The following DPP4 variants were observed in gnomAD, a reference collection of about 807,000 sequenced individuals.
DPP4 encodes the protein ADCP-2.
Under a neutral mutation model 122.4 loss-of-function variants are expected in DPP4, and 93 were observed. The ratio of observed to expected loss-of-function variants is 0.76; its 90% CI spans 0.64 to 0.90. The LOEUF (loss-of-function observed/expected upper bound fraction) is 0.90. DPP4 is among the 40% of genes least tolerant of loss of function. The probability of loss-of-function intolerance (pLI) is 0.00; values close to 1 mark genes in which losing one functional copy is unlikely to be tolerated. For missense variants in DPP4, 914 were observed against 907.3 expected (o/e 1.01, Z -0.09); for synonymous variants, 321 against 302.9 (o/e 1.06, Z -0.62).
At chr2:162,046,649 C>T in intron 4 of DPP4, 1 of 540,166 alleles carries the variant, frequency 1.9e-6, no homozygotes. Context: ...CAAAGGAGAG[C>T]ATGCAAAGTG....
At chr2:162,050,182 A>G (rs1684333894) in intron 2 of DPP4, among the ~76,000 whole-genome samples, 1 of 152,242 alleles carries the variant, frequency 6.6e-6, no homozygotes, top group Non-Finnish European at 1.5e-5. Context: ...TCTTTCATGC[A>G]TCAAATAGTT....
rs181884228 is a variant in DPP4, at chr2:162,011,043, C to T, written c.1832+750G>A. On this transcript the variant is annotated intron_variant, in intron 20 of 25. Transcript: ENST00000360534. ...AATCCTGATTCACTTTGGCAAGCTA[C>T]CTAACCTAATAGTCTCTATTTATTT... Among the ~76,000 whole-genome samples, 57 of 152,236 alleles carry T rather than the reference C, an allele frequency of 3.7e-4. 1 individual carries two copies. The highest frequency in any genetic ancestry group is 1.3e-3 in the African/African-American group (52 of 41,556).
At chr2:162,013,718 T>C (rs1682796984) in intron 19 of DPP4, among the ~76,000 whole-genome samples, 1 of 152,160 alleles carries the variant, frequency 6.6e-6, no homozygotes, top group Non-Finnish European at 1.5e-5. Flanking sequence ...ATATAGGAAA[T>C]GATGCAAGCC....
rs1478241696 is a variant in DPP4, at chr2:162,035,147, C to G, written c.774+17G>C. On this transcript the variant is annotated intron_variant, in intron 9 of 25. Transcript: ENST00000360534. Reference sequence around the variant, plus strand: ...CCCATCAAATCATGGAACCACTGTACAAACAGGAGCACAGACCTTTGGATA... The same window carrying G: ...CCCATCAAATCATGGAACCACTGTAGAAACAGGAGCACAGACCTTTGGATA... The G allele has an allele frequency of 6.2e-7, 1 of 1,603,032 alleles. No homozygotes were observed. The highest frequency in any genetic ancestry group is 8.5e-7 in the Non-Finnish European group (1 of 1,176,010).
intron 23 of DPP4, among the ~76,000 whole-genome samples, chr2:162,003,052 C>G (rs939422050): frequency 2.0e-5 from 3 of 152,154 alleles, no homozygotes; most frequent in African/African-American, 7.2e-5. Flanking sequence ...CTTTAGCTCC[C>G]TGGTACTGGC....
intron 11 of DPP4, among the ~76,000 whole-genome samples, chr2:162,024,599 T>A (rs1683250989): frequency 6.6e-6 from 1 of 152,168 alleles, no homozygotes; most frequent in Admixed American, 6.5e-5. Flanking sequence ...GTATGACTAG[T>A]CAGTGTAGGA....
At chr2:162,011,665 GT>G in intron 20 of DPP4, 127 bp downstream of exon 20, 2 of 885,076 alleles carry the variant, frequency 2.3e-6, no homozygotes, top group Non-Finnish European at 3.4e-6. Context: ...AAAACCTACC[GT>G]AAGGATAAAA....
chr2:162,019,342 G>T (rs1292335125), intron 14 of DPP4, 66 bp from the exon 15 acceptor site: 22 of 1,122,278 alleles, frequency 2.0e-5, no homozygotes, highest in Non-Finnish European at 2.6e-5. Flanking sequence ...GCGATCCACC[G>T]CACTCAGACC....
intron 23 of DPP4, among the ~76,000 whole-genome samples, chr2:162,002,611 G>T (rs1198509118): frequency 6.6e-6 from 1 of 152,032 alleles, no homozygotes; most frequent in African/African-American, 2.4e-5. Context: ...CTAAGGAATT[G>T]TCTCCTTTGT....
intron 10 of DPP4, among the ~76,000 whole-genome samples, chr2:162,032,986 T>G (rs1683613217): frequency 6.6e-6 from 1 of 152,158 alleles, no homozygotes; most frequent in African/African-American, 2.4e-5. Flanking sequence ...CCTTGTCCCT[T>G]CCACTCTCTT....
In DPP4 at chr2:162,038,427, A is replaced by G. The variant is rs899587281; in HGVS notation, c.493-5T>C. 1 of 1,594,918 alleles carries G rather than the reference A, an allele frequency of 6.3e-7. No individual in the cohort carries two copies. The highest frequency in any genetic ancestry group is 8.5e-7 in the Non-Finnish European group (1 of 1,173,338). ...GTCATTGTTCCAAACATATGCCTAG[A>G]AGGAAAAAAAACAAGCATTGATATC... On this transcript the variant is annotated splice_region_variant and splice_polypyrimidine_tract_variant and intron_variant, in intron 7 of 25. Coordinates refer to ENST00000360534, the MANE Select transcript of DPP4 (RefSeq NM_001935.4).
intron 2 of DPP4, among the ~76,000 whole-genome samples, chr2:162,059,277 C>T (rs2106150446): frequency 6.6e-6 from 1 of 152,132 alleles, no homozygotes; most frequent in African/African-American, 2.4e-5. Flanking sequence ...GTCACTCCCT[C>T]TTTTCTTGAT....
chr2:162,034,548 G>A (rs1683696024), intron 9 of DPP4, among the ~76,000 whole-genome samples: 2 of 152,158 alleles, frequency 1.3e-5, no homozygotes, highest in South Asian at 4.2e-4. Flanking sequence ...TTATTATTAC[G>A]GTACTAGTGA....
At chr2:162,022,460 T>C (rs1683165443) in intron 12 of DPP4, among the ~76,000 whole-genome samples, 1 of 152,208 alleles carries the variant, frequency 6.6e-6, no homozygotes, top group Admixed American at 6.5e-5. Context: ...CTTGGCCAAC[T>C]TTCAGCCATG....
chr2:162,042,703 A>C (rs1684028175), intron 5 of DPP4, among the ~76,000 whole-genome samples: 1 of 152,208 alleles, frequency 6.6e-6, no homozygotes, highest in Non-Finnish European at 1.5e-5. Flanking sequence ...TTTGCAATAA[A>C]ACATGTATTC....
At chr2:162,070,129 G>A (rs919808972) in intron 2 of DPP4, among the ~76,000 whole-genome samples, 3 of 152,092 alleles carry the variant, frequency 2.0e-5, no homozygotes, top group Non-Finnish European at 4.4e-5. Flanking sequence ...GATTCTTGGG[G>A]AAACTGAATG....
intron 2 of DPP4, among the ~76,000 whole-genome samples, chr2:162,059,754 C>G (rs1007909129): frequency 1.3e-5 from 2 of 152,204 alleles, no homozygotes; most frequent in African/African-American, 4.8e-5. Context: ...AAAACTGCCA[C>G]AGGAATTGCC....
At chr2:162,001,467 T>A (rs1701145757) in intron 23 of DPP4, among the ~76,000 whole-genome samples, 1 of 152,236 alleles carries the variant, frequency 6.6e-6, no homozygotes, top group Non-Finnish European at 1.5e-5. Context: ...ATTGGATACT[T>A]TGTCATATTC....
In DPP4 at chr2:161,993,293, G is replaced by T. The variant is rs1341991420; in HGVS notation, c.2291C>A (p.Ser764Tyr). The change falls in exon 26 of 26, where the codon TCT becomes TAT. Residue 764 changes from serine to tyrosine, a missense_variant. By Grantham distance (144) the Ser-to-Tyr change is moderately radical. Coordinates refer to ENST00000360534, the MANE Select transcript of DPP4 (RefSeq NM_001935.4). ...HMSHFIKQCF[S>Y]LP ...TGGTATTTTGAGGTGCTAAGGTAAA[G>T]AGAAACATTGTTTTATGAAGTGGCT... 2 of 1,611,526 alleles carry T rather than the reference G, an allele frequency of 1.2e-6. No individual in the cohort carries two copies. The highest frequency in any genetic ancestry group is 3.3e-5 in the Admixed American group (2 of 59,972).
Sources: allele counts gnomAD v4.1 joint callset (sites outside exome capture counted in the v4.1 genomes callset), GRCh38; gene constraint gnomAD v4.1.1; transcripts MANE v1.5; gene names NCBI Gene and HGNC (gene_info 2026-07-23, HGNC 2026-07-21).